Variants in ATE1 observed in about 807,000 individuals in gnomAD.
The protein encoded by ATE1 is arginyl-tRNA--protein transferase 1.
ATE1 carries 36 observed loss-of-function variants against 70.5 expected under a neutral mutation model. The observed-to-expected ratio is 0.51, with a 90% CI of 0.39 to 0.67. ATE1 has a LOEUF of 0.67. ATE1 is among the 30% of genes least tolerant of loss of function. The pLI is 0.00. For synonymous variants in ATE1, 232 were observed against 219.3 expected, an observed-to-expected ratio of 1.06 and a Z score of -0.51; for missense variants, 593 against 629.5, an observed-to-expected ratio of 0.94 and a Z score of 0.62.
intron 11 of ATE1, among the ~76,000 whole-genome samples, chr10:121,782,947 G>A (rs1333535476): frequency 1.3e-5 from 2 of 152,132 alleles, no homozygotes; most frequent in Non-Finnish European, 2.9e-5. Flanking sequence ...TCCTCAGCCT[G>A]CAGACGGCCT....
chr10:121,893,700 A>G (rs1171822207), intron 7 of ATE1, among the ~76,000 whole-genome samples: 1 of 152,208 alleles, frequency 6.6e-6, no homozygotes, highest in Non-Finnish European at 1.5e-5. Context: ...GTAAATTAAG[A>G]TCTCTATCTT....
rs1010444765 is a variant in ATE1, at chr10:121,875,298, G to GTTTTTTT, written c.943-5267_943-5261dup. Among the ~76,000 whole-genome samples, 9 of 89,480 alleles carry GTTTTTTT rather than the reference G, an allele frequency of 1.0e-4. 1 individual carries two copies. Among genetic ancestry groups the GTTTTTTT allele is most frequent in the Non-Finnish European group, 1.2e-4 (6 of 48,616 alleles). The allele number at this position is 89,480 out of a possible 152,430, so 58.7% of individuals were successfully genotyped here. On this transcript the variant is annotated intron_variant, in intron 7 of 11. Coordinates refer to ENST00000224652, the MANE Select transcript of ATE1 (RefSeq NM_001001976.3). ...TTTGGGCCTTGAGGGTTTTTTTTTG[G>GTTTTTTT]TTTTTTTTTGTTTTTTTTTTTTTGA...
intron 11 of ATE1, among the ~76,000 whole-genome samples, chr10:121,749,516 C>T (rs972087543): frequency 3.3e-5 from 5 of 151,918 alleles, no homozygotes; most frequent in African/African-American, 9.7e-5. Context: ...GTGATAGAAA[C>T]AAAGGAAAGA....
At chr10:121,762,614 T>C (rs542981442) in intron 11 of ATE1, among the ~76,000 whole-genome samples, 2 of 152,210 alleles carry the variant, frequency 1.3e-5, no homozygotes, top group South Asian at 2.1e-4. Context: ...TGGGTCTAAA[T>C]GGTCCCAGTG....
chr10:121,884,560 A>C (rs1196481613), intron 7 of ATE1, among the ~76,000 whole-genome samples: 3 of 152,140 alleles, frequency 2.0e-5, no homozygotes, highest in Non-Finnish European at 2.9e-5. Flanking sequence ...ACTGCACTCC[A>C]GCCTGGGTGA....
At chr10:121,908,793 C>T (rs1046649874) in intron 5 of ATE1, among the ~76,000 whole-genome samples, 11 of 152,130 alleles carry the variant, frequency 7.2e-5, no homozygotes, top group Non-Finnish European at 1.0e-4. Flanking sequence ...CCCTGCCCCA[C>T]GGCAAAAAAA....
intron 7 of ATE1, among the ~76,000 whole-genome samples, chr10:121,880,429 C>T (rs150366715): frequency 6.3e-4 from 95 of 151,948 alleles, no homozygotes; most frequent in Middle Eastern, 3.4e-3. Context: ...GAACATGCCC[C>T]GAATTAAATG....
chr10:121,744,767 A>G (rs549116011), intron 11 of ATE1, among the ~76,000 whole-genome samples: 2 of 152,286 alleles, frequency 1.3e-5, no homozygotes, highest in African/African-American at 2.4e-5. Flanking sequence ...TACACAGGTC[A>G]CCCAGACAAA....
At chr10:121,847,788 C>T (rs1207776996) in intron 8 of ATE1, among the ~76,000 whole-genome samples, 1 of 136,504 alleles carries the variant, frequency 7.3e-6, no homozygotes. Flanking sequence ...AAATCGTGAA[C>T]AGGCCAGGCG....
intron 11 of ATE1, among the ~76,000 whole-genome samples, chr10:121,789,258 C>T (rs1358163136): frequency 2.0e-5 from 3 of 147,390 alleles, no homozygotes; most frequent in African/African-American, 7.5e-5. Context: ...ATCATGAAGC[C>T]AGGATCTGAA....
At chr10:121,749,812 A>T (rs1944510030) in intron 11 of ATE1, among the ~76,000 whole-genome samples, 1 of 152,228 alleles carries the variant, frequency 6.6e-6, no homozygotes, top group Non-Finnish European at 1.5e-5. Flanking sequence ...CATAAAATGC[A>T]TTTAAATATT....
intron 8 of ATE1, among the ~76,000 whole-genome samples, chr10:121,845,097 T>C (rs1243309507): frequency 1.3e-5 from 2 of 152,206 alleles, no homozygotes; most frequent in Non-Finnish European, 2.9e-5. Context: ...AACCTTTATA[T>C]GCTCTGGGAA....
intron 5 of ATE1, among the ~76,000 whole-genome samples, chr10:121,908,628 C>G (rs973734586): frequency 6.6e-6 from 1 of 152,168 alleles, no homozygotes; most frequent in African/African-American, 2.4e-5. Context: ...GTATCTAATA[C>G]ATGAATTTAA....
Position 121,899,848 on chromosome 10 carries a change from T to C in ATE1, c.942+18A>G, listed in dbSNP as rs779111565. The C allele has an allele frequency of 2.5e-6, 4 of 1,607,842 alleles. No homozygotes were observed. In the South Asian group the frequency reaches 3.3e-5, roughly 13 times the overall value. Reference sequence around the variant, plus strand: ...GAAAGCTCTGTTTGCACAGGAAAATTACACTTGGCCTGCTGACCTGGCTTT... The same window carrying C: ...GAAAGCTCTGTTTGCACAGGAAAATCACACTTGGCCTGCTGACCTGGCTTT... On this transcript the variant is annotated intron_variant, in intron 7 of 11. Coordinates refer to ENST00000224652, the MANE Select transcript of ATE1 (RefSeq NM_001001976.3).
intron 8 of ATE1, among the ~76,000 whole-genome samples, chr10:121,854,249 T>C (rs554584248): frequency 6.6e-6 from 1 of 152,336 alleles, no homozygotes; most frequent in South Asian, 2.1e-4. Context: ...TTATCTAATC[T>C]AGCAATCTCA....
At chr10:121,840,240 A>G (rs4332455) in intron 9 of ATE1, among the ~76,000 whole-genome samples, 149,736 of 152,330 alleles carry the variant, frequency 0.98, 73,645 homozygotes, top group Middle Eastern at 1. Context: ...GTCGGCCAGG[A>G]ATTCCCCAGG....
chr10:121,904,693 C>A (rs6585766), intron 5 of ATE1, among the ~76,000 whole-genome samples: 125,147 of 138,938 alleles, frequency 0.9, 56,474 homozygotes, highest in Middle Eastern at 0.96. Flanking sequence ...CAAACCATAT[C>A]AAAGTCAGCA....
At chr10:121,911,817 G>A (rs930792508) in intron 4 of ATE1, among the ~76,000 whole-genome samples, 2 of 152,062 alleles carry the variant, frequency 1.3e-5, no homozygotes, top group African/African-American at 4.8e-5. Context: ...CGCGACCTCG[G>A]CTCACTGCAA....
intron 7 of ATE1, among the ~76,000 whole-genome samples, chr10:121,874,245 C>T (rs4752615): frequency 0.3 from 46,098 of 152,008 alleles, 8,312 homozygotes; most frequent in Middle Eastern, 0.42. Context: ...TTTTAGACTC[C>T]CTTCCCATCC....
Sources: gnomAD v4.1 joint callset for allele counts (sites outside exome capture counted in the v4.1 genomes callset) on GRCh38, gnomAD v4.1.1 for gene constraint, MANE v1.5 for transcripts, NCBI Gene and HGNC (gene_info 2026-07-23, HGNC 2026-07-21) for gene names.